Variants in PKD1L1 observed in about 807,000 individuals in gnomAD.
The protein encoded by PKD1L1 is polycystin-1-like protein 1.
Under a neutral mutation model 323.4 loss-of-function variants are expected in PKD1L1, and 236 were observed. That is an observed-to-expected ratio of 0.73 (90% CI 0.66 to 0.81). The LOEUF (loss-of-function observed/expected upper bound fraction) is 0.81, where lower values mean the gene tolerates loss of function less well. Ranked by LOEUF, PKD1L1 falls within the 40% of genes least tolerant of loss-of-function variation. The pLI is 0.00. For synonymous variants in PKD1L1, 1,344 were observed against 1,335.0 expected (o/e 1.01, Z -0.15); for missense variants, 3,320 against 3,508.0 (o/e 0.95, Z 1.35).
chr7:47,783,313 A>G (rs1786737420), intron 56 of PKD1L1, among the ~76,000 whole-genome samples: 1 of 92,624 alleles, frequency 1.1e-5, no homozygotes, highest in East Asian at 3.1e-4. Flanking sequence ...ATTCTTATAA[A>G]AGCATTTATA....
Position 47,908,111 on chromosome 7 carries a change from C to T in PKD1L1, c.1368G>A (p.Val456=). 1 of 1,614,096 alleles carries T rather than the reference C, an allele frequency of 6.2e-7. No individual in the cohort carries two copies. The highest frequency in any genetic ancestry group is 1.7e-4 in the Middle Eastern group (1 of 6,014). The part of the protein sequence containing the change: ...MNSSSVHEDE[V]LVFADSQVNQ... ...TCACTTGGGAGTCAGCAAAGACAAG[C>T]ACTTCATCTTCATGGACACTGCTGG... is the stretch of plus-strand genomic sequence containing the variant. The change falls in exon 9 of 57, where the codon GTG becomes GTA. Residue 456 remains valine (V), a synonymous_variant. Transcript: ENST00000289672.
At chr7:47,939,091 C>G (rs1787932212) in intron 3 of PKD1L1, among the ~76,000 whole-genome samples, 1 of 152,168 alleles carries the variant, frequency 6.6e-6, no homozygotes, top group African/African-American at 2.4e-5. Flanking sequence ...TAAAACACCT[C>G]TCCCCAACCT....
At chr7:47,831,746 G>T (rs963529739) in intron 41 of PKD1L1, among the ~76,000 whole-genome samples, 6 of 152,200 alleles carry the variant, frequency 3.9e-5, no homozygotes, top group Non-Finnish European at 7.3e-5. Context: ...GGCTTTTGGG[G>T]ATCTCCTCTT....
intron 54 of PKD1L1, among the ~76,000 whole-genome samples, chr7:47,799,213 C>T (rs1784608791): frequency 6.6e-6 from 1 of 152,032 alleles, no homozygotes; most frequent in Non-Finnish European, 1.5e-5. Flanking sequence ...GATAGGTGGA[C>T]AGGTAACTAG....
At chr7:47,882,178 TTGTAC>T in intron 19 of PKD1L1, 93 bp from the exon 20 acceptor site, 1 of 1,288,926 alleles carries the variant, frequency 7.8e-7, no homozygotes, top group South Asian at 1.3e-5. Flanking sequence ...TAATAACTAT[TTGTAC>T]TATTGCTGGA....
At chr7:47,783,002 C>T (rs374940486) in intron 56 of PKD1L1, among the ~76,000 whole-genome samples, 25 of 152,182 alleles carry the variant, frequency 1.6e-4, no homozygotes, top group African/African-American at 3.4e-4. Context: ...GGGATTCTTA[C>T]GTGATTTTAT....
intron 52 of PKD1L1, among the ~76,000 whole-genome samples, chr7:47,807,377 G>GT (rs2128728101): frequency 6.6e-6 from 1 of 152,208 alleles, no homozygotes; most frequent in South Asian, 2.1e-4. Flanking sequence ...GAGCCAAGGG[G>GT]TGAGAGGGAG....
At chr7:47,817,800 G>A (rs1290880263) in intron 46 of PKD1L1, among the ~76,000 whole-genome samples, 1 of 152,112 alleles carries the variant, frequency 6.6e-6, no homozygotes, top group African/African-American at 2.4e-5. Context: ...AACCCGGGAG[G>A]CAGAGGCTGC....
At chr7:47,914,112 C>T (rs899199820) in intron 8 of PKD1L1, among the ~76,000 whole-genome samples, 62 of 151,986 alleles carry the variant, frequency 4.1e-4, no homozygotes, top group African/African-American at 1.1e-3. Flanking sequence ...TGAATGGATA[C>T]GCTAAAGAAA....
Position 47,840,578 on chromosome 7 carries a change from A to C in PKD1L1, c.5446-11T>G. ...TAAAACAATGTACACCTCAAAACAA[A>C]GAACAGGGGTGGGAACTCAGGCTAT... On this transcript the variant is annotated splice_polypyrimidine_tract_variant and intron_variant, in intron 34 of 56. Transcript: ENST00000289672. This position sits in a 1 kb window ranked among gnomAD's most constrained non-coding sequence, Gnocchi z 4.1. 1 of 1,600,532 alleles carries C rather than the reference A, an allele frequency of 6.2e-7. No homozygotes were observed. The highest frequency in any genetic ancestry group is 8.6e-7 in the Non-Finnish European group (1 of 1,167,862).
intron 7 of PKD1L1, among the ~76,000 whole-genome samples, chr7:47,920,406 T>C (rs1201308642): frequency 4.7e-5 from 7 of 150,072 alleles, no homozygotes; most frequent in Non-Finnish European, 5.9e-5. Flanking sequence ...CACAAACAAA[T>C]GGAAACACAT....
Position 47,840,463 on chromosome 7 carries a change from C to T in PKD1L1, c.5550G>A (p.Leu1850=). The T allele has an allele frequency of 1.2e-6, 2 of 1,611,514 alleles. No individual in the cohort carries two copies. Among genetic ancestry groups the T allele is most frequent in the Non-Finnish European group, 1.7e-6 (2 of 1,177,700 alleles). ...FERNSRHTFI[L]SAPAQLGLLR... ...AGCAGTGAAATATTTTGGAATACCT[C>T]AGGATAAAGGTGTGTCTGGAATTCC... Residue 1850 remains leucine, a splice_region_variant and synonymous_variant, in exon 35 of 57, where the codon CTG becomes CTA. Coordinates refer to ENST00000289672, the MANE Select transcript of PKD1L1 (RefSeq NM_138295.5). This position sits in a 1 kb window ranked among gnomAD's most constrained non-coding sequence, Gnocchi z 4.1.
rs757186185 is a variant in PKD1L1 at position 47,936,836 on chromosome 7, A to G, written c.398+10T>C. ...GAAAAGCAATATTTCGCCATGGTAC[A>G]TTGACATACCTATCAGCACTGTTAT... On this transcript the variant is annotated intron_variant, in intron 4 of 56. Transcript: ENST00000289672. 8.2e-6 allele frequency: 13 copies of G among 1,582,228 alleles called. No homozygotes were observed. Among genetic ancestry groups the G allele is most frequent in the Non-Finnish European group, 9.5e-6 (11 of 1,159,132 alleles).
intron 37 of PKD1L1, among the ~76,000 whole-genome samples, chr7:47,836,310 A>G (rs1230492570): frequency 6.6e-6 from 1 of 151,950 alleles, no homozygotes; most frequent in Non-Finnish European, 1.5e-5. Flanking sequence ...CCACACTACG[A>G]CCCAGCGGTG....
At chr7:47,938,671 C>A (rs1315668503) in intron 3 of PKD1L1, among the ~76,000 whole-genome samples, 2 of 152,164 alleles carry the variant, frequency 1.3e-5, no homozygotes, top group Non-Finnish European at 2.9e-5. Flanking sequence ...CCCAGTCAAC[C>A]AAAACCAGAG....
intron 7 of PKD1L1, among the ~76,000 whole-genome samples, chr7:47,927,658 G>C (rs1169860140): frequency 6.6e-6 from 1 of 152,136 alleles, no homozygotes. Flanking sequence ...TCATACACTG[G>C]CAGTTGACAA....
chr7:47,827,427 C>T lies in PKD1L1; in HGVS notation c.6777G>A (p.Ala2259=), dbSNP rs147293358. The T allele has an allele frequency of 1.1e-4, 170 of 1,612,682 alleles. 2 individuals carry two copies. The highest frequency in any genetic ancestry group is 7.8e-4 in the East Asian group (35 of 44,864). Residue 2259 remains alanine, a synonymous_variant, in exon 45 of 57, where the codon GCG becomes GCA. Coordinates refer to ENST00000289672, the MANE Select transcript of PKD1L1 (RefSeq NM_138295.5). ...ARQQARHLRW[A]HPPSKAQLRG... Reference sequence around the variant, plus strand: ...TCAGCTGGGCCTTGGATGGTGGATGCGCCCAGCGCAGGTGGCGAGCTTGTT... The same window carrying T: ...TCAGCTGGGCCTTGGATGGTGGATGTGCCCAGCGCAGGTGGCGAGCTTGTT...
At position 47,839,836 on chromosome 7, in the gene PKD1L1, G is replaced by T. The variant is rs1036528901; in HGVS notation, c.5553-174C>A. On this transcript the variant is annotated intron_variant, in intron 35 of 56. Transcript: ENST00000289672. The surrounding 1 kb of genome is among the most constrained non-coding windows in gnomAD (Gnocchi z 4.3). The stretch of plus-strand genomic sequence containing the variant: ...TGAAGCCCCCTGGAACCCGGCCAGA[G>T]GATGGGAAATCCCACCGAGCACAGT... Among the ~76,000 whole-genome samples the T allele has an allele frequency of 4.6e-5, 7 of 152,184 alleles. No homozygotes were observed. Among genetic ancestry groups the T allele is most frequent in the Non-Finnish European group, 8.8e-5 (6 of 68,024 alleles).
chr7:47,798,997 A>T (rs760152307), intron 54 of PKD1L1, among the ~76,000 whole-genome samples: 1 of 152,238 alleles, frequency 6.6e-6, no homozygotes, highest in African/African-American at 2.4e-5. Context: ...TATCCAATTT[A>T]AAAACTGTAT....
Sources: gnomAD v4.1 joint callset for allele counts (sites outside exome capture counted in the v4.1 genomes callset) on GRCh38, gnomAD v4.1.1 for gene constraint, Gnocchi (gnomAD v3.1) non-coding constraint, MANE v1.5 for transcripts, NCBI Gene and HGNC (gene_info 2026-07-23, HGNC 2026-07-21) for gene names.